TMEM135: variants seen among roughly 807,000 people sequenced by gnomAD.
The protein encoded by TMEM135 is peroxisomal membrane protein 52.
A neutral mutation model predicts 60.3 loss-of-function variants in TMEM135; 30 were observed. The observed-to-expected ratio is 0.50, with a 90% CI of 0.37 to 0.68. The LOEUF is 0.68. TMEM135 is among the 30% of genes least tolerant of loss of function. The probability of loss-of-function intolerance (pLI) is 0.00; values close to 1 mark genes in which losing one functional copy is unlikely to be tolerated. For missense variants in TMEM135, 468 were observed against 548.8 expected, an observed-to-expected ratio of 0.85 and a Z score of 1.47; for synonymous variants, 190 against 186.7, an observed-to-expected ratio of 1.02 and a Z score of -0.14.
chr11:87,289,950 A>C (rs1942236783), intron 6 of TMEM135, among the ~76,000 whole-genome samples: 1 of 152,214 alleles, frequency 6.6e-6, no homozygotes, highest in Non-Finnish European at 1.5e-5. Context: ...TGTTGCTGCA[A>C]ATAACAGAAT....
intron 1 of TMEM135, among the ~76,000 whole-genome samples, chr11:87,060,305 T>A (rs1216424451): frequency 6.6e-6 from 1 of 152,196 alleles, no homozygotes; most frequent in Non-Finnish European, 1.5e-5. Flanking sequence ...CTGTAGTTTC[T>A]AGCCCCTGAG....
intron 5 of TMEM135, among the ~76,000 whole-genome samples, chr11:87,193,788 CAT>C (rs957765884): frequency 4.7e-5 from 7 of 147,988 alleles, no homozygotes; most frequent in African/African-American, 9.8e-5. Flanking sequence ...ATTATATAAA[CAT>C]ATATATTTGT....
intron 4 of TMEM135, among the ~76,000 whole-genome samples, chr11:87,101,818 A>G (rs957123853): frequency 2.0e-5 from 3 of 152,152 alleles, no homozygotes; most frequent in African/African-American, 7.2e-5. Context: ...TACTAAAAAA[A>G]CAAAATTAAC....
chr11:87,310,992 C>G (rs1204890370), intron 10 of TMEM135, among the ~76,000 whole-genome samples: 1 of 151,190 alleles, frequency 6.6e-6, no homozygotes, highest in African/African-American at 2.4e-5. Flanking sequence ...CCTCTGTCTA[C>G]AAAAAAATTA....
Position 87,327,803 on chromosome 11 carries a change from C to A in TMEM135, c.*6470C>A, listed in dbSNP as rs1002851577. ...GTGATAGTTTTAAGTCCTGGAGTCC[C>A]AAGGTTAGAGGATCTGGGGTCCTAA... On this transcript the variant is annotated 3_prime_UTR_variant, in exon 15 of 15. Transcript: ENST00000305494. The A allele has an allele frequency of 8.8e-6, 4 of 453,866 alleles. No individual in the cohort carries two copies. Among genetic ancestry groups the A allele is most frequent in the Non-Finnish European group, 1.8e-5 (4 of 226,774 alleles). The allele number at this position is 453,866 out of a possible 1,614,324, so 28.1% of individuals were successfully genotyped here.
intron 6 of TMEM135, among the ~76,000 whole-genome samples, chr11:87,249,777 C>T (rs1048687134): frequency 6.6e-5 from 10 of 151,930 alleles, no homozygotes; most frequent in Non-Finnish European, 1.2e-4. Context: ...CTGTAGTTTT[C>T]TTTTATTGCT....
intron 3 of TMEM135, among the ~76,000 whole-genome samples, chr11:87,084,772 C>T (rs1399202006): frequency 1.3e-5 from 2 of 152,216 alleles, no homozygotes; most frequent in Non-Finnish European, 2.9e-5. Context: ...ATCTGCTGAG[C>T]TTTCCCAGCC....
chr11:87,124,189 T>TA (rs949306226), intron 4 of TMEM135, among the ~76,000 whole-genome samples: 26 of 152,122 alleles, frequency 1.7e-4, no homozygotes, highest in Non-Finnish European at 2.8e-4. Flanking sequence ...TGGCTTAAGA[T>TA]AAAAAAATAG....
At chr11:87,286,652 G>A (rs7119714) in intron 6 of TMEM135, among the ~76,000 whole-genome samples, 55,791 of 152,138 alleles carry the variant, frequency 0.37, 10,891 homozygotes, top group Non-Finnish European at 0.43. Flanking sequence ...TGGGCTGCAA[G>A]ACTACATAAA....
At chr11:87,223,656 C>A (rs913797471) in intron 5 of TMEM135, among the ~76,000 whole-genome samples, 2 of 143,526 alleles carry the variant, frequency 1.4e-5, no homozygotes, top group African/African-American at 5.3e-5. Context: ...ACTAAAAATA[C>A]GCACATGCAC....
chr11:87,061,148 A>AT lies in TMEM135; in HGVS notation c.142-6538dup, dbSNP rs199666520. 4.0e-3 allele frequency among the ~76,000 whole-genome samples: 607 copies of AT among 152,164 alleles called. 4 individuals are homozygous for AT. Among genetic ancestry groups the AT allele is most frequent in the African/African-American group, 0.012 (512 of 41,504 alleles). On this transcript the variant is annotated intron_variant, in intron 1 of 14. Coordinates refer to ENST00000305494, the MANE Select transcript of TMEM135 (RefSeq NM_022918.4). ...TGCCTGGCACAAGTGCTATATAAGC[A>AT]TTTTTTTTAAATAAAATAAAAATTC...
intron 3 of TMEM135, among the ~76,000 whole-genome samples, chr11:87,079,330 G>A (rs1354319867): frequency 6.6e-6 from 1 of 152,140 alleles, no homozygotes; most frequent in Non-Finnish European, 1.5e-5. Context: ...AAGTTGTATA[G>A]TTTTAGTTCT....
intron 6 of TMEM135, among the ~76,000 whole-genome samples, chr11:87,249,021 C>T (rs1941356662): frequency 6.6e-6 from 1 of 152,030 alleles, no homozygotes; most frequent in Admixed American, 6.6e-5. Context: ...TTAGGTTTTT[C>T]CATGTCTATC....
At chr11:87,084,893 T>A (rs1379001991) in intron 3 of TMEM135, among the ~76,000 whole-genome samples, 1 of 152,180 alleles carries the variant, frequency 6.6e-6, no homozygotes, top group Non-Finnish European at 1.5e-5. Flanking sequence ...CTTCTCCTTT[T>A]CAGGCCTATG....
intron 6 of TMEM135, among the ~76,000 whole-genome samples, chr11:87,272,141 C>G (rs1215047924): frequency 6.6e-6 from 1 of 150,526 alleles, no homozygotes; most frequent in Non-Finnish European, 1.5e-5. Flanking sequence ...GCAACCTCCC[C>G]CTCCCTGGTT....
chr11:87,072,991 C>T (rs569267433), intron 3 of TMEM135, among the ~76,000 whole-genome samples: 146 of 152,242 alleles, frequency 9.6e-4, no homozygotes, highest in African/African-American at 3.2e-3. Context: ...GAGTAATTCT[C>T]ATCAAATAAC....
intron 1 of TMEM135, among the ~76,000 whole-genome samples, chr11:87,057,198 C>T (rs924411829): frequency 6.6e-6 from 1 of 152,036 alleles, no homozygotes; most frequent in Non-Finnish European, 1.5e-5. Flanking sequence ...TTATTTTTAT[C>T]TTGAAAGCCT....
At chr11:87,123,600 C>T (rs1031985808) in intron 4 of TMEM135, among the ~76,000 whole-genome samples, 1 of 152,154 alleles carries the variant, frequency 6.6e-6, no homozygotes, top group Non-Finnish European at 1.5e-5. Flanking sequence ...CAATATTCAA[C>T]CCACTACACT....
At chr11:87,147,882 C>T (rs1043809412) in intron 4 of TMEM135, among the ~76,000 whole-genome samples, 4 of 152,228 alleles carry the variant, frequency 2.6e-5, no homozygotes, top group African/African-American at 9.6e-5. Flanking sequence ...CTCAGCCTCC[C>T]GAGTAGCCAG....
Sources: allele counts gnomAD v4.1 joint callset (sites outside exome capture counted in the v4.1 genomes callset), GRCh38; gene constraint gnomAD v4.1.1; transcripts MANE v1.5; gene names NCBI Gene and HGNC (gene_info 2026-07-23, HGNC 2026-07-21).